The following STK11IP variants were observed in gnomAD, a reference collection of about 807,000 sequenced individuals.
STK11IP encodes the protein serine/threonine kinase 11 interacting protein, also known as serine/threonine-protein kinase 11-interacting protein.
In STK11IP, 103 loss-of-function variants were observed where a neutral mutation model predicts 131.7. The ratio of observed to expected loss-of-function variants is 0.78; its 90% CI spans 0.67 to 0.92. The LOEUF (loss-of-function observed/expected upper bound fraction) is 0.92, where lower values mean the gene tolerates loss of function less well. Ranked by LOEUF, STK11IP falls within the 40% of genes least tolerant of loss-of-function variation. The pLI is 0.00. For missense variants in STK11IP, 1,315 were observed against 1,385.7 expected, an observed-to-expected ratio of 0.95 and a Z score of 0.81; for synonymous variants, 557 against 575.6, an observed-to-expected ratio of 0.97 and a Z score of 0.46.
At chr2:219,598,714 A>G (rs1295785030) in intron 2 of STK11IP, among the ~76,000 whole-genome samples, 1 of 152,238 alleles carries the variant, frequency 6.6e-6, no homozygotes, top group Non-Finnish European at 1.5e-5. Context: ...AACTGCTTAC[A>G]GTTGGGAGCT....
chr2:219,602,598 G>A (rs199889906), intron 6 of STK11IP, 23 bp downstream of exon 6: 1 of 1,612,928 alleles, frequency 6.2e-7, no homozygotes, highest in South Asian at 1.1e-5. Context: ...GAGGGAAGAG[G>A]GTTTCGAGGA....
intron 14 of STK11IP, 72 bp from the exon 15 acceptor site, chr2:219,608,511 G>A (rs1200465460): frequency 6.5e-7 from 1 of 1,535,336 alleles, no homozygotes. Flanking sequence ...GCGGGTGGAG[G>A]GCCAGTTCGG....
intron 10 of STK11IP, 89 bp downstream of exon 10, chr2:219,606,379 G>A (rs1559180064): frequency 6.5e-7 from 1 of 1,545,184 alleles, no homozygotes; most frequent in Non-Finnish European, 8.8e-7. Flanking sequence ...TGGGTGAGGG[G>A]CCAAGGACCT....
intron 15 of STK11IP, 116 bp from the exon 16 acceptor site, chr2:219,608,981 G>A: frequency 9.3e-7 from 1 of 1,069,886 alleles, no homozygotes; most frequent in Non-Finnish European, 1.4e-6. Flanking sequence ...TTGGACGTCA[G>A]TACAGGCCTT....
intron 20 of STK11IP, 94 bp from the exon 21 acceptor site, chr2:219,613,658 C>A: frequency 7.0e-7 from 1 of 1,437,010 alleles, no homozygotes; most frequent in Non-Finnish European, 9.8e-7. Flanking sequence ...GGGGGTGATG[C>A]AGTGAGTGAG....
chr2:219,602,678 T>C, intron 6 of STK11IP, 27 bp from the exon 7 acceptor site: 2 of 1,613,544 alleles, frequency 1.2e-6, no homozygotes, highest in South Asian at 1.1e-5. Flanking sequence ...GAACATCGAT[T>C]CTCTGCCTCC....
intron 24 of STK11IP, chr2:219,615,810 G>C (rs964590870): frequency 1.4e-6 from 1 of 715,234 alleles, no homozygotes; most frequent in Non-Finnish European, 2.6e-6. Flanking sequence ...CGCATCTTCT[G>C]TACAACAGGG....
chr2:219,611,980 T>C lies in STK11IP; in HGVS notation c.2361T>C (p.Ser787=), dbSNP rs1272718215. 7 of 1,602,416 alleles carry C rather than the reference T, an allele frequency of 4.4e-6. No homozygotes were observed. In the East Asian group the frequency reaches 1.3e-4, roughly 31 times the overall value. ...CCCCTGAGCGCTGTGGCCTCCGCTC[T>C]GTGGACCACCGACTCCGGCTCTTCC... ...SPPPERCGLR[S]VDHRLRLFLD... The change falls in exon 19 of 25, where the codon TCT becomes TCC. Residue 787 remains serine, a synonymous_variant. Transcript: ENST00000456909.
intron 2 of STK11IP, chr2:219,598,471 AGGGAC>A: frequency 2.8e-6 from 1 of 353,478 alleles, no homozygotes; most frequent in Non-Finnish European, 5.1e-6. Context: ...CCTCAGGACC[AGGGAC>A]TGATCTCGGT....
At chr2:219,599,150 G>A (rs570603500) in intron 2 of STK11IP, among the ~76,000 whole-genome samples, 159 of 151,776 alleles carry the variant, frequency 1.0e-3, no homozygotes, top group Non-Finnish European at 1.4e-3. Flanking sequence ...GTGCAGTGGC[G>A]CAATCTCAGC....
At chr2:219,601,839 C>G (rs974840709) in intron 4 of STK11IP, 124 bp downstream of exon 4, 9 of 1,247,358 alleles carry the variant, frequency 7.2e-6, no homozygotes, top group Non-Finnish European at 9.2e-6. Flanking sequence ...GCTCTGCAGT[C>G]ATGTGATATC....
intron 2 of STK11IP, among the ~76,000 whole-genome samples, chr2:219,600,911 A>C (rs1697963834): frequency 6.6e-6 from 1 of 152,208 alleles, no homozygotes; most frequent in African/African-American, 2.4e-5. Context: ...ACAAGAGAGA[A>C]CTGTGAACCA....
At chr2:219,611,526 GA>G (rs1203381028) in intron 17 of STK11IP, 77 bp from the exon 18 acceptor site, 1 of 1,255,006 alleles carries the variant, frequency 8.0e-7, no homozygotes, top group African/African-American at 1.5e-5. Context: ...TGAGCATGGG[GA>G]AGGAGCATCG....
intron 13 of STK11IP, 103 bp from the exon 14 acceptor site, chr2:219,607,944 T>C (rs896938612): frequency 6.1e-6 from 9 of 1,482,510 alleles, no homozygotes; most frequent in Admixed American, 2.2e-5. Flanking sequence ...CGTGTCCCCA[T>C]ACACAGCCCA....
chr2:219,608,263 CCCAGGAGTCA>C lies in STK11IP; in HGVS notation c.1440_1449del (p.Gln480HisfsTer108). On this transcript the variant is annotated frameshift_variant, in exon 14 of 25. Transcript: ENST00000456909. LOFTEE classifies it high-confidence loss of function. ...CCCCCGCAGGAGGAAGCCAGAGGCC[CCCAGGAGTCA>C]CCACAGAAAATGTCAGAGGAGGTCA... 1 of 1,613,384 alleles carries C rather than the reference CCCAGGAGTCA, an allele frequency of 6.2e-7. No homozygotes were observed. The highest frequency in any genetic ancestry group is 1.1e-5 in the South Asian group (1 of 91,052).
chr2:219,613,144 C>T lies in STK11IP; in HGVS notation c.2456C>T (p.Ala819Val), dbSNP rs772585808. Residue 819 changes from alanine (A) to valine (V), a missense_variant, in exon 20 of 25, where the codon GCA (alanine) becomes GTA (valine). Coordinates refer to ENST00000456909, the MANE Select transcript of STK11IP (RefSeq NM_052902.4). ...TTCCCCCAGGTGCCAGTGGCATTGG[C>T]AGGCCACACTGGGGAGTTCATGTGC... ...QCCLKVPVAL[A>V]GHTGEFMCLV... 1 of 1,611,526 alleles carries T rather than the reference C, an allele frequency of 6.2e-7. No homozygotes were observed. The highest frequency in any genetic ancestry group is 2.2e-5 in the East Asian group (1 of 44,792).
Position 219,605,636 on chromosome 2 carries a change from TCTC to T in STK11IP, c.650_652del (p.Ser217del), listed in dbSNP as rs1220791371. ...TTGTGTGAGCTCCACCATCTGGACA[TCTC>T]CTATAATCGCCTGCATTTGGTGCCA... On this transcript the variant is annotated inframe_deletion, in exon 8 of 25. Transcript: ENST00000456909. 13 of 1,552,674 alleles carry T rather than the reference TCTC, an allele frequency of 8.4e-6. No homozygotes were observed. Among genetic ancestry groups the T allele is most frequent in the Non-Finnish European group, 1.0e-5 (12 of 1,147,524 alleles).
chr2:219,607,150 C>T lies in STK11IP; in HGVS notation c.1219+13C>T. The stretch of plus-strand genomic sequence containing the variant: ...CCCTCTCCGGCTGGTAAGTCAGCTT[C>T]ATCCCACTAACCTCTCTCGTCCCCA... On this transcript the variant is annotated intron_variant, in intron 13 of 24. Coordinates refer to ENST00000456909, the MANE Select transcript of STK11IP (RefSeq NM_052902.4). 1.9e-6 allele frequency: 3 copies of T among 1,613,294 alleles called. No individual in the cohort carries two copies. The highest frequency in any genetic ancestry group is 2.5e-6 in the Non-Finnish European group (3 of 1,179,352).
rs1235700438 is a variant in STK11IP, at chr2:219,609,395, T to C, written c.1959T>C (p.Asn653=). Reference sequence around the variant, plus strand: ...TTGCCGTGTTGACCCCAGTCACCAATGTGGCTCGGGAACAGCTTGGGGAGG... The same window carrying C: ...TTGCCGTGTTGACCCCAGTCACCAACGTGGCTCGGGAACAGCTTGGGGAGG... The part of the protein sequence containing the change: ...ELLAVLTPVT[N]VAREQLGEAR... Residue 653 remains asparagine, a synonymous_variant, in exon 17 of 25, where the codon AAT becomes AAC. Coordinates refer to ENST00000456909, the MANE Select transcript of STK11IP (RefSeq NM_052902.4). 1 of 1,613,750 alleles carries C rather than the reference T, an allele frequency of 6.2e-7. No individual in the cohort carries two copies. Among genetic ancestry groups the C allele is most frequent in the South Asian group, 1.1e-5 (1 of 91,036 alleles).
Sources: gnomAD v4.1 joint callset for allele counts (sites outside exome capture counted in the v4.1 genomes callset) on GRCh38, gnomAD v4.1.1 for gene constraint, MANE v1.5 for transcripts, NCBI Gene and HGNC (gene_info 2026-07-23, HGNC 2026-07-21) for gene names.